ZFP28: variants seen among roughly 807,000 people sequenced by gnomAD.
The protein encoded by ZFP28 is zinc finger protein 28 homolog.
In ZFP28, 31 loss-of-function variants were observed where a neutral mutation model predicts 39.5. That is an observed-to-expected ratio of 0.79 (90% CI 0.59 to 1.06). The LOEUF (loss-of-function observed/expected upper bound fraction) is 1.06. Ranked by LOEUF, ZFP28 falls within the 50% of genes least tolerant of loss-of-function variation. The pLI, the probability that ZFP28 is intolerant of heterozygous loss-of-function variation, is 0.00. For missense variants in ZFP28, 925 were observed against 1,048.4 expected, an observed-to-expected ratio of 0.88 and a Z score of 1.63; for synonymous variants, 400 against 378.6, an observed-to-expected ratio of 1.06 and a Z score of -0.66.
chr19:56,550,039 T>C (rs1318378340), intron 5 of ZFP28, 28 bp from the exon 6 acceptor site: 7 of 1,580,446 alleles, frequency 4.4e-6, no homozygotes, highest in Non-Finnish European at 6.0e-6. Flanking sequence ...CATGGTTTGA[T>C]TTAAAAAACG....
intron 7 of ZFP28, chr19:56,551,194 CAGGT>C: frequency 1.0e-6 from 1 of 987,140 alleles, no homozygotes; most frequent in Non-Finnish European, 1.2e-6. Context: ...TTTAGTAGGA[CAGGT>C]GGGTAGAAGT....
chr19:56,550,425 A>G, intron 6 of ZFP28, 85 bp from the exon 7 acceptor site: 1 of 1,209,416 alleles, frequency 8.3e-7, no homozygotes, highest in Non-Finnish European at 1.2e-6. Context: ...TTCAGCAGTA[A>G]CACTTTTCTA....
In ZFP28 at chr19:56,554,297, C is replaced by T. The variant is rs200309652; in HGVS notation, c.1512C>T (p.Pro504=). Residue 504 remains proline (P), a synonymous_variant, in exon 8 of 8, where the codon CCC becomes CCT. Coordinates refer to ENST00000301318, the MANE Select transcript of ZFP28 (RefSeq NM_020828.2). The surrounding 1 kb of genome is among the most constrained non-coding windows in gnomAD (Gnocchi z 6.7). The part of the protein sequence containing the change: ...HWRYYHTGEK[P]FDCIDCGKAF... Reference sequence around the variant, plus strand: ...GATACTATCATACTGGGGAGAAACCCTTTGATTGCATCGATTGTGGGAAAG... The same window carrying T: ...GATACTATCATACTGGGGAGAAACCTTTTGATTGCATCGATTGTGGGAAAG... 6.8e-6 allele frequency: 11 copies of T among 1,614,050 alleles called. No individual in the cohort carries two copies. In the African/African-American group the frequency reaches 1.5e-4, roughly 22 times the overall value.
intron 1 of ZFP28, 86 bp downstream of exon 1, chr19:56,539,312 A>G: frequency 3.7e-6 from 5 of 1,357,876 alleles, no homozygotes; most frequent in Non-Finnish European, 4.9e-6. Context: ...GCTCTCGGGG[A>G]CCAGTTGCTG....
At position 56,551,803 on chromosome 19, in the gene ZFP28, C is replaced by CT. The variant is rs1466476397; in HGVS notation, c.898+1199dup. The stretch of plus-strand genomic sequence containing the variant: ...TTTCTCTTATCTTCTTGTAAAATGT[C>CT]TGTCATTTGTACCCAGTTCTCTCTT... On this transcript the variant is annotated intron_variant, in intron 7 of 7. Transcript: ENST00000301318. The CT allele has an allele frequency of 3.0e-6, 3 of 983,904 alleles. No individual in the cohort carries two copies. The African/African-American group carries it at 5.3e-5, about 17-fold the overall frequency. 60.9% of individuals were successfully genotyped at this position (983,904 alleles called of 1,614,324 possible). A position where few individuals can be genotyped will look rare whatever the true frequency, so the allele number is the denominator to read the frequency against.
rs762396113 is a variant in ZFP28, at chr19:56,553,675, A to G, written c.899-9A>G. On this transcript the variant is annotated splice_polypyrimidine_tract_variant and intron_variant, in intron 7 of 7. Coordinates refer to ENST00000301318, the MANE Select transcript of ZFP28 (RefSeq NM_020828.2). ...AAAAGGAAATATGTGTTTTCTTGGT[A>G]TCTTTCAGGCCAGCGATCTGTACAT... 2 of 1,550,196 alleles carry G rather than the reference A, an allele frequency of 1.3e-6. No individual in the cohort carries two copies. Among genetic ancestry groups the G allele is most frequent in the Non-Finnish European group, 1.7e-6 (2 of 1,152,276 alleles).
At chr19:56,550,882 A>G in intron 7 of ZFP28, 6 of 1,437,790 alleles carry the variant, frequency 4.2e-6, no homozygotes, top group Non-Finnish European at 5.4e-6. Context: ...CTGGACCCTG[A>G]TGCACTTTTG....
In ZFP28 at chr19:56,554,006, A is replaced by G; in HGVS notation, c.1221A>G (p.Val407=). The part of the protein sequence containing the change: ...SIKNFQKSSV[V]IKQTGIYAGK... ...AAAATTTTCAAAAAAGTTCAGTGGTAATAAAACAAACAGGCATCTATGCAG... is the reference window on the plus strand; with the variant it reads ...AAAATTTTCAAAAAAGTTCAGTGGTGATAAAACAAACAGGCATCTATGCAG... Residue 407 remains valine (V), a synonymous_variant, in exon 8 of 8, where the codon GTA becomes GTG. Coordinates refer to ENST00000301318, the MANE Select transcript of ZFP28 (RefSeq NM_020828.2). The surrounding 1 kb of genome is among the most constrained non-coding windows in gnomAD (Gnocchi z 6.7). 1 of 1,612,178 alleles carries G rather than the reference A, an allele frequency of 6.2e-7. No homozygotes were observed. Among genetic ancestry groups the G allele is most frequent in the Non-Finnish European group, 8.5e-7 (1 of 1,179,578 alleles).
In ZFP28 at chr19:56,550,618, G is replaced by A. The variant is rs1249356670; in HGVS notation, c.898+13G>A. On this transcript the variant is annotated intron_variant, in intron 7 of 7. Coordinates refer to ENST00000301318, the MANE Select transcript of ZFP28 (RefSeq NM_020828.2). Reference sequence around the variant, plus strand: ...AGCCTGTTCTCAGGTGAGTGCAGGAGAGCCTGGTGTGGAAAATCTACTGCA... The same window carrying A: ...AGCCTGTTCTCAGGTGAGTGCAGGAAAGCCTGGTGTGGAAAATCTACTGCA... The A allele has an allele frequency of 1.2e-6, 2 of 1,613,894 alleles. No homozygotes were observed. The highest frequency in any genetic ancestry group is 2.2e-5 in the South Asian group (2 of 91,078).
chr19:56,552,982 A>G (rs1195914925), intron 7 of ZFP28: 13 of 152,196 alleles, frequency 8.5e-5, no homozygotes, highest in African/African-American at 3.1e-4. Flanking sequence ...CAATTCAGTG[A>G]CAGTATATTA....
rs748748417 is a variant in ZFP28 at position 56,554,436 on chromosome 19, C to T, written c.1651C>T (p.His551Tyr). The T allele has an allele frequency of 1.2e-6, 2 of 1,614,180 alleles. No homozygotes were observed. Among genetic ancestry groups the T allele is most frequent in the South Asian group, 1.1e-5 (1 of 91,086 alleles). Residue 551 changes from histidine (H) to tyrosine (Y), a missense_variant, in exon 8 of 8, where the codon CAT (histidine) becomes TAT (tyrosine). This residue lies in a region of ZFP28 where 369 missense variants were observed against 505.5 expected (regional missense o/e 0.73). Transcript: ENST00000301318. The surrounding 1 kb of genome is among the most constrained non-coding windows in gnomAD (Gnocchi z 6.7). ...CAGGTATGGTTCCTCCCTTACTGTA[C>T]ATCAAAGGATTCATACCGGAGAAAA... ...SFRYGSSLTV[H>Y]QRIHTGEKPY...
At chr19:56,537,402 C>G (rs2044143790), upstream of ZFP28, among the ~76,000 whole-genome samples, 1 of 152,178 alleles carries the variant, frequency 6.6e-6, no homozygotes, top group East Asian at 1.9e-4. Flanking sequence ...ACCAAACCCC[C>G]AGCAAATGTG....
At chr19:56,537,230 T>C (rs948814389), upstream of ZFP28, among the ~76,000 whole-genome samples, 3 of 152,200 alleles carry the variant, frequency 2.0e-5, no homozygotes, top group Non-Finnish European at 4.4e-5. Context: ...TGTTTGATCA[T>C]ATAGCCTCCA....
rs1211420880 is a variant in ZFP28, at chr19:56,550,622, C to G, written c.898+17C>G. 3 of 1,613,486 alleles carry G rather than the reference C, an allele frequency of 1.9e-6. No individual in the cohort carries two copies. The highest frequency in any genetic ancestry group is 1.7e-6 in the Non-Finnish European group (2 of 1,179,510). ...TGTTCTCAGGTGAGTGCAGGAGAGC[C>G]TGGTGTGGAAAATCTACTGCAAGAG... On this transcript the variant is annotated intron_variant, in intron 7 of 7. Transcript: ENST00000301318.
chr19:56,539,800 A>G (rs972148350), intron 2 of ZFP28, 84 bp downstream of exon 2: 1 of 1,263,432 alleles, frequency 7.9e-7, no homozygotes, highest in Non-Finnish European at 1.1e-6. Flanking sequence ...GAAAGTTTTC[A>G]GTTTAAGAGA....
At chr19:56,544,227 G>A (rs139809630) in intron 2 of ZFP28, among the ~76,000 whole-genome samples, 127 of 152,308 alleles carry the variant, frequency 8.3e-4, no homozygotes, top group African/African-American at 2.8e-3. Flanking sequence ...ATATAGGACC[G>A]AACTGGGCAA....
intron 5 of ZFP28, among the ~76,000 whole-genome samples, 166 bp from the exon 6 acceptor site, chr19:56,549,901 A>G (rs1336856298): frequency 6.6e-6 from 1 of 152,208 alleles, no homozygotes. Context: ...CCAAACATGT[A>G]TGCTATAACT....
chr19:56,552,355 A>G (rs2044311714), intron 7 of ZFP28: 1 of 152,152 alleles, frequency 6.6e-6, no homozygotes, highest in African/African-American at 2.4e-5. Flanking sequence ...CATCACCAAT[A>G]TGGGTATTTT....
Position 56,550,417 on chromosome 19 carries a change from C to T in ZFP28, c.803-93C>T, listed in dbSNP as rs545882578. 9.6e-6 allele frequency: 11 copies of T among 1,141,936 alleles called. No homozygotes were observed. The East Asian group carries it at 2.6e-4, about 27-fold the overall frequency. 70.7% of individuals were successfully genotyped at this position (1,141,936 alleles called of 1,614,324 possible). A position where few individuals can be genotyped will look rare whatever the true frequency, so the allele number is the denominator to read the frequency against. ...TACTCACCTGTTTTTCTGTTTCTTT[C>T]AGCAGTAACACTTTTCTATCAACAA... is the stretch of plus-strand genomic sequence containing the variant. On this transcript the variant is annotated intron_variant, in intron 6 of 7. Coordinates refer to ENST00000301318, the MANE Select transcript of ZFP28 (RefSeq NM_020828.2).
Sources: gnomAD v4.1 joint callset for allele counts (sites outside exome capture counted in the v4.1 genomes callset) on GRCh38, gnomAD v4.1.1 for gene constraint, gnomAD v4.1.1 regional missense constraint, Gnocchi (gnomAD v3.1) non-coding constraint, MANE v1.5 for transcripts, NCBI Gene and HGNC (gene_info 2026-07-23, HGNC 2026-07-21) for gene names.